Variants in PCDHA5 observed in about 807,000 individuals in gnomAD.
The protein encoded by PCDHA5 is protocadherin alpha-5.
A neutral mutation model predicts 61.6 loss-of-function variants in PCDHA5; 43 were observed. That is an observed-to-expected ratio of 0.70 (90% CI 0.55 to 0.90). The LOEUF (loss-of-function observed/expected upper bound fraction) is 0.90. Ranked by LOEUF, PCDHA5 falls within the 40% of genes least tolerant of loss-of-function variation. PCDHA5 has a pLI of 0.00. For missense variants in PCDHA5, 1,298 were observed against 1,222.7 expected, an observed-to-expected ratio of 1.06 and a Z score of -0.92; for synonymous variants, 627 against 543.9, an observed-to-expected ratio of 1.15 and a Z score of -2.13.
intron 1 of PCDHA5, chr5:140,884,397 T>C: frequency 6.2e-7 from 1 of 1,613,992 alleles, no homozygotes; most frequent in South Asian, 1.1e-5. Flanking sequence ...GTGTCCAGCC[T>C]GTTGGTGCTC....
At chr5:140,882,217 A>C in intron 1 of PCDHA5, 1 of 1,542,972 alleles carries the variant, frequency 6.5e-7, no homozygotes, top group Non-Finnish European at 8.7e-7. Context: ...AGACAGTTTG[A>C]GGTAAGGCGT....
Position 140,821,735 on chromosome 5 carries a change from T to G in PCDHA5, c.-41T>G. 1 of 1,535,068 alleles carries G rather than the reference T, an allele frequency of 6.5e-7. No homozygotes were observed. The highest frequency in any genetic ancestry group is 1.2e-5 in the South Asian group (1 of 80,362). Reference sequence around the variant, plus strand: ...AATTGAATTTACAAAATACATTGTGTGGTGATGCAATAGAAAGCTCATAAT... The same window carrying G: ...AATTGAATTTACAAAATACATTGTGGGGTGATGCAATAGAAAGCTCATAAT... On this transcript the variant is annotated 5_prime_UTR_variant, in exon 1 of 4. Coordinates refer to ENST00000529859, the MANE Select transcript of PCDHA5 (RefSeq NM_018908.3).
intron 1 of PCDHA5, chr5:140,930,569 A>G (rs1448447791): frequency 6.6e-6 from 1 of 152,542 alleles, no homozygotes; most frequent in Non-Finnish European, 1.5e-5. Flanking sequence ...AAGCAATTCT[A>G]CGGTATTACT....
chr5:140,932,021 GT>G (rs1387709791), intron 1 of PCDHA5, among the ~76,000 whole-genome samples: 11 of 151,964 alleles, frequency 7.2e-5, no homozygotes, highest in African/African-American at 2.6e-4. Flanking sequence ...TTTACGGTAA[GT>G]TTACAGTATA....
intron 1 of PCDHA5, among the ~76,000 whole-genome samples, chr5:140,846,022 C>T (rs1294786212): frequency 1.3e-5 from 2 of 149,390 alleles, no homozygotes; most frequent in South Asian, 4.2e-4. Context: ...AAAGTTATTA[C>T]GAGTTTAGGA....
intron 1 of PCDHA5, among the ~76,000 whole-genome samples, chr5:140,957,690 T>G (rs2095375856): frequency 6.6e-6 from 1 of 152,060 alleles, no homozygotes; most frequent in South Asian, 2.1e-4. Context: ...ATCTAGACAA[T>G]GAACATTATG....
In PCDHA5 at chr5:140,926,182, C is replaced by G. The variant is rs1041630365; in HGVS notation, c.2353-52767C>G. Among the ~76,000 whole-genome samples, 27 of 151,858 alleles carry G rather than the reference C, an allele frequency of 1.8e-4. No individual in the cohort carries two copies. The East Asian group carries it at 2.5e-3, about 14-fold the overall frequency. On this transcript the variant is annotated intron_variant, in intron 1 of 3. Coordinates refer to ENST00000529859, the MANE Select transcript of PCDHA5 (RefSeq NM_018908.3). ...CAGCAGGATCCAGCGCGGAAAGCCC[C>G]CCGCAGCACTTCTTTCGGGGGGCTC...
rs2150513075 is a variant in PCDHA5, at chr5:140,852,180, T to C, written c.2352+28053T>C. The C allele has an allele frequency of 3.0e-5, 23 of 771,014 alleles. 2 individuals carry two copies. The highest frequency in any genetic ancestry group is 3.4e-5 in the Non-Finnish European group (21 of 620,092). The allele number at this position is 771,014 out of a possible 1,614,324, so 47.8% of individuals were successfully genotyped here. On this transcript the variant is annotated intron_variant, in intron 1 of 3. Coordinates refer to ENST00000529859, the MANE Select transcript of PCDHA5 (RefSeq NM_018908.3). ...GAGAATAGAGCCACAAAAATAACTATGAAAATGCCAGTAACGTTTATTTAA... is the reference window on the plus strand; with the variant it reads ...GAGAATAGAGCCACAAAAATAACTACGAAAATGCCAGTAACGTTTATTTAA...
At chr5:140,875,235 A>G in intron 1 of PCDHA5, 1 of 869,906 alleles carries the variant, frequency 1.1e-6, no homozygotes, top group South Asian at 2.5e-5. Context: ...TCTTTCTTGT[A>G]CTTACATAAT....
intron 1 of PCDHA5, chr5:140,927,106 A>G: frequency 6.2e-7 from 1 of 1,613,678 alleles, no homozygotes; most frequent in Non-Finnish European, 8.5e-7. Context: ...GGATCTACCC[A>G]GCGGCAATTT....
chr5:140,835,624 AC>A (rs2150239679), intron 1 of PCDHA5: 1 of 1,613,722 alleles, frequency 6.2e-7, no homozygotes, highest in Admixed American at 1.7e-5. Flanking sequence ...AGCGCTCTGG[AC>A]CGCGAGAGTG....
intron 1 of PCDHA5, among the ~76,000 whole-genome samples, chr5:140,839,447 T>C (rs2150297946): frequency 3.3e-5 from 5 of 151,970 alleles, no homozygotes; most frequent in Non-Finnish European, 5.9e-5. Flanking sequence ...TGCAGTGCAG[T>C]GGCACAATCT....
intron 1 of PCDHA5, chr5:140,883,678 G>C: frequency 1.2e-6 from 2 of 1,613,902 alleles, no homozygotes; most frequent in Non-Finnish European, 1.7e-6. Context: ...ACAATCCGCC[G>C]GGCTGCCACA....
chr5:140,853,830 G>A lies in PCDHA5; in HGVS notation c.2352+29703G>A, dbSNP rs1424828776. 1.9e-5 allele frequency: 19 copies of A among 986,508 alleles called. 1 individual carries two copies. The highest frequency in any genetic ancestry group is 2.2e-5 in the Non-Finnish European group (18 of 818,674). The allele number at this position is 986,508 out of a possible 1,614,324, so 61.1% of individuals were successfully genotyped here. On this transcript the variant is annotated intron_variant, in intron 1 of 3. Coordinates refer to ENST00000529859, the MANE Select transcript of PCDHA5 (RefSeq NM_018908.3). The stretch of plus-strand genomic sequence containing the variant: ...CACCTGAGATGATTCTCATACAACC[G>A]AAATTTTAGATCCATAGCCCTATTT...
chr5:140,949,012 A>G (rs1029892336), intron 1 of PCDHA5, among the ~76,000 whole-genome samples: 11 of 151,632 alleles, frequency 7.3e-5, no homozygotes, highest in African/African-American at 2.7e-4. Flanking sequence ...TTTATATGTG[A>G]TGTTTTTATT....
At chr5:140,836,148 C>T (rs1554135661) in intron 1 of PCDHA5, 1 of 1,613,646 alleles carries the variant, frequency 6.2e-7, no homozygotes, top group East Asian at 2.2e-5. Flanking sequence ...GGGCGCGGGC[C>T]ATGTGGTGGC....
At chr5:140,869,258 TG>T in intron 1 of PCDHA5, 1 of 1,613,558 alleles carries the variant, frequency 6.2e-7, no homozygotes, top group Non-Finnish European at 8.5e-7. Context: ...GCGCAGGACC[TG>T]GGGCTGGAGC....
At position 140,903,777 on chromosome 5, in the gene PCDHA5, T is replaced by C. The variant is rs80247548; in HGVS notation, c.2353-75172T>C. On this transcript the variant is annotated intron_variant, in intron 1 of 3. Transcript: ENST00000529859. ...GATTTTTGCTGAACTTTTCTATCCA[T>C]AAACTATCTATGGTTGTAATTGACA... 8.0e-3 allele frequency among the ~76,000 whole-genome samples: 1,216 copies of C among 152,334 alleles called. 6 individuals are homozygous for C. The highest frequency in any genetic ancestry group is 0.019 in the African/African-American group (784 of 41,582).
chr5:140,978,794 TG>T (rs1179958432), intron 1 of PCDHA5, 154 bp from the exon 2 acceptor site: 8 of 978,628 alleles, frequency 8.2e-6, no homozygotes, highest in Non-Finnish European at 9.7e-6. Context: ...GTGCTATATA[TG>T]TAGATATCAT....
Sources: gnomAD v4.1 joint callset for allele counts (sites outside exome capture counted in the v4.1 genomes callset) on GRCh38, gnomAD v4.1.1 for gene constraint, MANE v1.5 for transcripts, NCBI Gene and HGNC (gene_info 2026-07-23, HGNC 2026-07-21) for gene names.